The following ZNF782 variants were observed in gnomAD, a reference collection of about 807,000 sequenced individuals.
ZNF782 encodes the protein zinc finger protein 782.
Under a neutral mutation model 13.0 loss-of-function variants are expected in ZNF782, and 12 were observed. The observed-to-expected ratio is 0.92, with a 90% confidence interval of 0.59 to 1.50. ZNF782 has a LOEUF of 1.50. ZNF782 is among the 40% of genes most tolerant of loss of function. The pLI is 0.00. For missense variants in ZNF782, 770 were observed against 822.9 expected, an observed-to-expected ratio of 0.94 and a Z score of 0.79; for synonymous variants, 284 against 283.0, an observed-to-expected ratio of 1.00 and a Z score of -0.04.
At chr9:96,833,091 T>G (rs1464925731) in intron 4 of ZNF782, among the ~76,000 whole-genome samples, 2 of 152,178 alleles carry the variant, frequency 1.3e-5, no homozygotes, top group East Asian at 3.8e-4. Context: ...GCTGTGCACA[T>G]GTAATGATTT....
At position 96,819,660 on chromosome 9, in the gene ZNF782, T is replaced by C. The variant is rs1163180129; in HGVS notation, c.363A>G (p.Pro121=). 3 of 1,614,088 alleles carry C rather than the reference T, an allele frequency of 1.9e-6. No homozygotes were observed. The South Asian group carries it at 3.3e-5, about 18-fold the overall frequency. The change falls in exon 6 of 6, where the codon CCA becomes CCG. Residue 121 remains proline, a synonymous_variant. Transcript: ENST00000481138. ...LTTEQEISGK[P]HNRDINIFRA... ...GAAAAATGTTTATGTCTCGATTATGTGGTTTTCCTGAAATTTCTTGCTCTG... is the reference window on the plus strand; with the variant it reads ...GAAAAATGTTTATGTCTCGATTATGCGGTTTTCCTGAAATTTCTTGCTCTG...
At chr9:96,824,205 C>T (rs1441716518) in intron 5 of ZNF782, among the ~76,000 whole-genome samples, 39 of 150,764 alleles carry the variant, frequency 2.6e-4, no homozygotes, top group Admixed American at 2.4e-3. Flanking sequence ...GCTTATCCAC[C>T]ATGATCAAGT....
At chr9:96,917,054 GT>G in the ZNF782 span, among the ~76,000 whole-genome samples, 2 of 69,466 alleles carry the variant, frequency 2.9e-5, no homozygotes, top group African/African-American at 1.1e-4. Flanking sequence ...CTGTGGCACT[GT>G]TTGTCTAGGT....
At chr9:96,890,642 A>T in the ZNF782 span, 1 of 152,254 alleles carries the variant, frequency 6.6e-6, no homozygotes, top group East Asian at 1.9e-4. Context: ...GCCACTAGAA[A>T]CCCAATGCAA....
chr9:96,909,845 T>G, the ZNF782 span, among the ~76,000 whole-genome samples: 23 of 151,676 alleles, frequency 1.5e-4, no homozygotes, highest in Admixed American at 4.6e-4. Flanking sequence ...GAAAATAAAG[T>G]GAAAAGCCAC....
upstream of ZNF782, among the ~76,000 whole-genome samples, chr9:96,875,841 G>A (rs1851886457): frequency 6.6e-6 from 1 of 152,220 alleles, no homozygotes; most frequent in Non-Finnish European, 1.5e-5. Context: ...AGGGCCCCGG[G>A]ACCACCTCTC....
chr9:96,826,150 A>G (rs1179430569), intron 5 of ZNF782, among the ~76,000 whole-genome samples: 1 of 152,208 alleles, frequency 6.6e-6, no homozygotes, highest in East Asian at 1.9e-4. Context: ...GAACCAACCC[A>G]AATGTCCAAC....
the ZNF782 span, among the ~76,000 whole-genome samples, chr9:96,883,733 T>C: frequency 1.3e-5 from 2 of 152,176 alleles, no homozygotes; most frequent in Non-Finnish European, 2.9e-5. Context: ...CTACTACACA[T>C]AGAAATCTTT....
intron 5 of ZNF782, among the ~76,000 whole-genome samples, chr9:96,826,357 C>T (rs1850620239): frequency 6.7e-6 from 1 of 150,368 alleles, no homozygotes; most frequent in African/African-American, 2.5e-5. Context: ...AATGAGAACA[C>T]ATGGACACAG....
intron 1 of ZNF782, among the ~76,000 whole-genome samples, chr9:96,869,293 T>C (rs1851797043): frequency 6.6e-6 from 1 of 152,238 alleles, no homozygotes; most frequent in Non-Finnish European, 1.5e-5. Context: ...TTTAATCAAG[T>C]TTAATTCATC....
chr9:96,907,752 T>C, the ZNF782 span, among the ~76,000 whole-genome samples: 29 of 152,068 alleles, frequency 1.9e-4, no homozygotes, highest in African/African-American at 7.0e-4. Flanking sequence ...GCGATTCTCC[T>C]GTCTCAGCCT....
In ZNF782 at chr9:96,818,328, AT is replaced by A. The variant is rs2118242864; in HGVS notation, c.1694del (p.Asn565IlefsTer69). The A allele has an allele frequency of 6.2e-7, 1 of 1,614,038 alleles. No individual in the cohort carries two copies. The highest frequency in any genetic ancestry group is 2.2e-5 in the East Asian group (1 of 44,856). ...IHTGEKPYKC[N>X]HCGEAFSQKS... ...TCTGACTGAAAGCTTCCCCACAATG[AT>A]TACATTTATAGGGTTTTTCCCCTGT... On this transcript the variant is annotated frameshift_variant, in exon 6 of 6. Coordinates refer to ENST00000481138, the MANE Select transcript of ZNF782 (RefSeq NM_001001662.3). LOFTEE classifies it low-confidence loss of function (END_TRUNC).
chr9:96,819,582 C>T lies in ZNF782; in HGVS notation c.441G>A (p.Gly147=). 6.2e-7 allele frequency: 1 copy of T among 1,613,688 alleles called. No individual in the cohort carries two copies. Among genetic ancestry groups the T allele is most frequent in the East Asian group, 2.2e-5 (1 of 44,874 alleles). Residue 147 remains glycine (G), a synonymous_variant, in exon 6 of 6, where the codon GGG becomes GGA. Coordinates refer to ENST00000481138, the MANE Select transcript of ZNF782 (RefSeq NM_001001662.3). ...KCDIAGSACQ[G]LSLMAPHCQY... Reference sequence around the variant, plus strand: ...GACAGTGTGGGGCCATCAGGCTGAGCCCCTGGCAAGCAGACCCCGCAATGT... The same window carrying T: ...GACAGTGTGGGGCCATCAGGCTGAGTCCCTGGCAAGCAGACCCCGCAATGT...
chr9:96,837,522 C>T (rs1190693765), intron 4 of ZNF782, among the ~76,000 whole-genome samples: 1 of 151,782 alleles, frequency 6.6e-6, no homozygotes, highest in African/African-American at 2.4e-5. Context: ...TTTTTCTATT[C>T]TTTCATTATC....
intron 4 of ZNF782, among the ~76,000 whole-genome samples, chr9:96,843,021 C>G (rs1416567985): frequency 6.6e-6 from 1 of 152,018 alleles, no homozygotes; most frequent in Non-Finnish European, 1.5e-5. Context: ...TGTTCAACGA[C>G]TAATACATAA....
At position 96,844,912 on chromosome 9, in the gene ZNF782, G is replaced by C. The variant is rs1851300051; in HGVS notation, c.120C>G (p.Asn40Lys). ...RTLYRDVMLE[N>K]YSHLVSVGYC... ...CACCCACTGAGACGAGGTGGCTGTA[G>C]TTCTCCAGCATCACATCTCTGTACA... is the stretch of plus-strand genomic sequence containing the variant. The change falls in exon 4 of 6, where the codon AAC (asparagine) becomes AAG (lysine). Residue 40 changes from asparagine to lysine, a missense_variant. By Grantham distance (94) the Asn-to-Lys change is moderately conservative. Transcript: ENST00000481138. The C allele has an allele frequency of 6.2e-7, 1 of 1,613,856 alleles. No homozygotes were observed. The highest frequency in any genetic ancestry group is 1.1e-5 in the South Asian group (1 of 91,084).
At chr9:96,822,148 C>T (rs1026844761) in intron 5 of ZNF782, among the ~76,000 whole-genome samples, 1 of 152,196 alleles carries the variant, frequency 6.6e-6, no homozygotes, top group Non-Finnish European at 1.5e-5. Flanking sequence ...AGACTCAATG[C>T]TAACCTACAC....
chr9:96,872,919 G>A (rs900421093), intron 1 of ZNF782, among the ~76,000 whole-genome samples: 1 of 152,138 alleles, frequency 6.6e-6, no homozygotes, highest in Non-Finnish European at 1.5e-5. Context: ...ATTAGAACAA[G>A]GGTGTTTGAG....
the ZNF782 span, chr9:96,890,672 A>G: frequency 6.6e-6 from 1 of 152,348 alleles, no homozygotes; most frequent in African/African-American, 2.4e-5. Context: ...AACTAACAGT[A>G]TTTTATTTAA....
Sources: allele counts gnomAD v4.1 joint callset (sites outside exome capture counted in the v4.1 genomes callset), GRCh38; gene constraint gnomAD v4.1.1; transcripts MANE v1.5; gene names NCBI Gene and HGNC (gene_info 2026-07-23, HGNC 2026-07-21).